SPOCK3: variants seen among roughly 807,000 people sequenced by gnomAD.
The protein encoded by SPOCK3 is testican-3.
In SPOCK3, 30 loss-of-function variants were observed where a neutral mutation model predicts 56.6. That is an observed-to-expected ratio of 0.53 (90% CI 0.40 to 0.72). The LOEUF is 0.72. SPOCK3 is among the 30% of genes least tolerant of loss of function. The pLI is 0.00. For missense variants in SPOCK3, 527 were observed against 530.0 expected (o/e 0.99, Z 0.06); for synonymous variants, 196 against 183.3 (o/e 1.07, Z -0.56).
intron 6 of SPOCK3, among the ~76,000 whole-genome samples, chr4:166,848,657 A>G (rs1056935138): frequency 2.0e-5 from 3 of 152,178 alleles, no homozygotes; most frequent in African/African-American, 7.2e-5. Flanking sequence ...AGAATATATT[A>G]TATCTACATT....
chr4:167,033,706 C>G, intron 3 of SPOCK3, among the ~76,000 whole-genome samples: 1 of 151,824 alleles, frequency 6.6e-6, no homozygotes. Context: ...ATCTTCCTTG[C>G]CTGCCTGGGC....
chr4:167,039,791 G>A (rs1285076283), intron 3 of SPOCK3, among the ~76,000 whole-genome samples: 4 of 151,994 alleles, frequency 2.6e-5, no homozygotes, highest in Non-Finnish European at 5.9e-5. Context: ...AATGTATAGC[G>A]AAAACATTTT....
intron 4 of SPOCK3, among the ~76,000 whole-genome samples, chr4:166,927,491 T>A (rs999654061): frequency 1.3e-5 from 2 of 152,168 alleles, no homozygotes; most frequent in African/African-American, 4.8e-5. Flanking sequence ...ACCTATTTTT[T>A]CCCCACTCTC....
At chr4:167,120,822 A>G (rs999358947) in intron 2 of SPOCK3, among the ~76,000 whole-genome samples, 1 of 152,062 alleles carries the variant, frequency 6.6e-6, no homozygotes, top group Admixed American at 6.5e-5. Flanking sequence ...CATTTTAGAA[A>G]GGTTATTTTA....
chr4:166,919,311 G>C (rs1369041556), intron 4 of SPOCK3, among the ~76,000 whole-genome samples: 3 of 152,152 alleles, frequency 2.0e-5, no homozygotes, highest in Admixed American at 2.0e-4. Context: ...AGTTTAAAGA[G>C]AAGTGGATAA....
At chr4:166,744,571 CTA>C (rs1195901487) in intron 8 of SPOCK3, among the ~76,000 whole-genome samples, 1 of 152,146 alleles carries the variant, frequency 6.6e-6, no homozygotes, top group Non-Finnish European at 1.5e-5. Flanking sequence ...ACCAGAGCGC[CTA>C]TTCTCCTCCA....
At chr4:166,927,980 G>C (rs1023286842) in intron 4 of SPOCK3, among the ~76,000 whole-genome samples, 1 of 152,134 alleles carries the variant, frequency 6.6e-6, no homozygotes. Flanking sequence ...ATTGAAAGTT[G>C]ATCTACAGCA....
intron 2 of SPOCK3, among the ~76,000 whole-genome samples, chr4:167,096,591 T>A (rs1362320176): frequency 1.3e-5 from 2 of 152,012 alleles, no homozygotes; most frequent in Non-Finnish European, 3.0e-5. Flanking sequence ...TACTGATTTA[T>A]AATAAATTCT....
intron 6 of SPOCK3, among the ~76,000 whole-genome samples, chr4:166,841,145 TGGG>T (rs1438321724): frequency 6.6e-6 from 1 of 152,098 alleles, no homozygotes; most frequent in Non-Finnish European, 1.5e-5. Flanking sequence ...CTAAGTGTTG[TGGG>T]TCTGAAGTTT....
At chr4:167,118,403 T>G (rs1320134180) in intron 2 of SPOCK3, among the ~76,000 whole-genome samples, 2 of 152,140 alleles carry the variant, frequency 1.3e-5, no homozygotes, top group Non-Finnish European at 2.9e-5. Flanking sequence ...ACCTCTAAAG[T>G]TCACTCTTAA....
intron 2 of SPOCK3, among the ~76,000 whole-genome samples, chr4:167,156,740 T>C (rs1048306974): frequency 6.6e-6 from 1 of 152,134 alleles, no homozygotes; most frequent in Non-Finnish European, 1.5e-5. Context: ...TGATCAGCTA[T>C]GCCAATCCCA....
chr4:167,010,159 G>A (rs564034450), intron 3 of SPOCK3, among the ~76,000 whole-genome samples: 1 of 152,092 alleles, frequency 6.6e-6, no homozygotes, highest in African/African-American at 2.4e-5. Flanking sequence ...GTGAATTTAC[G>A]AGTTAATGGC....
intron 7 of SPOCK3, among the ~76,000 whole-genome samples, chr4:166,766,555 A>T (rs1465896191): frequency 6.6e-6 from 1 of 152,128 alleles, no homozygotes; most frequent in Non-Finnish European, 1.5e-5. Context: ...ATCGTGGTGG[A>T]TAAGCTTTTT....
At chr4:167,149,829 GT>G (rs1764267170) in intron 2 of SPOCK3, among the ~76,000 whole-genome samples, 1 of 70,796 alleles carries the variant, frequency 1.4e-5, no homozygotes, top group East Asian at 3.8e-4. Flanking sequence ...TATATGGTGT[GT>G]ATATATATAT....
intron 2 of SPOCK3, among the ~76,000 whole-genome samples, chr4:167,156,898 C>A (rs1000413922): frequency 1.3e-5 from 2 of 152,060 alleles, no homozygotes; most frequent in African/African-American, 2.4e-5. Flanking sequence ...TTAGGCCAAA[C>A]AATGGATTTC....
intron 2 of SPOCK3, among the ~76,000 whole-genome samples, chr4:167,064,655 G>A (rs1290651858): frequency 2.6e-5 from 4 of 151,754 alleles, no homozygotes; most frequent in African/African-American, 4.8e-5. Context: ...ACATGCACAC[G>A]TGAGTGATGG....
chr4:167,109,062 ATAT>A (rs370762895), intron 2 of SPOCK3, among the ~76,000 whole-genome samples: 686 of 940 alleles, frequency 0.73, 240 homozygotes, highest in Middle Eastern at 1. Context: ...ATATATATAA[ATAT>A]TATATATTTA....
chr4:167,109,353 A>T (rs1459482450), intron 2 of SPOCK3, among the ~76,000 whole-genome samples: 2 of 43,698 alleles, frequency 4.6e-5, no homozygotes, highest in African/African-American at 1.5e-4. Context: ...TAATAAAATA[A>T]ATATATATTT....
intron 3 of SPOCK3, among the ~76,000 whole-genome samples, chr4:167,038,579 A>G (rs1752970438): frequency 6.6e-6 from 1 of 150,918 alleles, no homozygotes; most frequent in South Asian, 2.1e-4. Context: ...TCTGTGTCAC[A>G]TGACCACTCC....
Sources: gnomAD v4.1 joint callset for allele counts (sites outside exome capture counted in the v4.1 genomes callset) on GRCh38, gnomAD v4.1.1 for gene constraint, MANE v1.5 for transcripts, NCBI Gene and HGNC (gene_info 2026-07-23, HGNC 2026-07-21) for gene names.